MAGI2: variants seen among roughly 807,000 people sequenced by gnomAD.
The protein encoded by MAGI2 is membrane-associated guanylate kinase, WW and PDZ domain-containing protein 2.
Under a neutral mutation model 133.3 loss-of-function variants are expected in MAGI2, and 35 were observed. The ratio of observed to expected loss-of-function variants is 0.26; its 90% CI spans 0.20 to 0.35. The LOEUF (loss-of-function observed/expected upper bound fraction) is 0.35, where lower values mean the gene tolerates loss of function less well. Among genes scored for constraint, MAGI2 ranks in the 10% least tolerant of loss-of-function variants. MAGI2 has a pLI of 1.00. For synonymous variants in MAGI2, 729 were observed against 710.6 expected (o/e 1.03, Z -0.41); for missense variants, 1,636 against 1,863.4 (o/e 0.88, Z 2.25).
chr7:78,877,334 C>A (rs893659280), intron 2 of MAGI2, among the ~76,000 whole-genome samples: 2 of 152,140 alleles, frequency 1.3e-5, no homozygotes, highest in African/African-American at 4.8e-5. Flanking sequence ...TGGAAGTCTA[C>A]AATTGATATG....
intron 1 of MAGI2, among the ~76,000 whole-genome samples, chr7:79,360,703 CAA>C (rs1266799314): frequency 6.6e-6 from 1 of 151,800 alleles, no homozygotes; most frequent in Non-Finnish European, 1.5e-5. Context: ...AAAAACTATG[CAA>C]AGAGATCAAC....
intron 20 of MAGI2, among the ~76,000 whole-genome samples, chr7:78,094,781 A>G (rs1453555711): frequency 5.3e-5 from 8 of 152,086 alleles, no homozygotes; most frequent in Admixed American, 5.2e-4. Context: ...TAGCAGCCTA[A>G]TCCCATTATT....
chr7:78,625,642 T>C (rs960111314), intron 3 of MAGI2, among the ~76,000 whole-genome samples: 1 of 152,180 alleles, frequency 6.6e-6, no homozygotes, highest in African/African-American at 2.4e-5. Flanking sequence ...ACTCAGTCAC[T>C]CTGGGCTCAC....
chr7:79,251,043 G>A (rs748406037), intron 1 of MAGI2, among the ~76,000 whole-genome samples: 6 of 152,120 alleles, frequency 3.9e-5, no homozygotes, highest in Non-Finnish European at 7.4e-5. Context: ...ATATGCAGAA[G>A]AATGAAACTA....
chr7:78,957,712 T>C (rs1392556121), intron 2 of MAGI2, among the ~76,000 whole-genome samples: 13 of 152,128 alleles, frequency 8.5e-5, no homozygotes, highest in Admixed American at 8.5e-4. Context: ...GTTAGGTAAC[T>C]TACTCAAGAT....
chr7:78,282,792 T>TTTGTTGAC (rs1259699437), intron 9 of MAGI2, among the ~76,000 whole-genome samples: 1 of 152,084 alleles, frequency 6.6e-6, no homozygotes, highest in Non-Finnish European at 1.5e-5. Context: ...GATTTCAAGC[T>TTTGTTGAC]TTGTTGACTT....
At chr7:79,224,311 T>C (rs1830675352) in intron 1 of MAGI2, among the ~76,000 whole-genome samples, 1 of 152,044 alleles carries the variant, frequency 6.6e-6, no homozygotes, top group Admixed American at 6.6e-5. Flanking sequence ...CTGGGTTTCT[T>C]AGCATGAAAT....
At chr7:79,328,451 T>G (rs866950917) in intron 1 of MAGI2, among the ~76,000 whole-genome samples, 9 of 152,258 alleles carry the variant, frequency 5.9e-5, no homozygotes, top group Middle Eastern at 6.8e-3. Context: ...CTACCAATTA[T>G]GCACTAAGAT....
intron 6 of MAGI2, among the ~76,000 whole-genome samples, chr7:78,400,632 C>T (rs963466565): frequency 2.1e-4 from 32 of 152,232 alleles, no homozygotes; most frequent in African/African-American, 7.0e-4. Context: ...TACTAAAATT[C>T]TAGGCAATAT....
intron 11 of MAGI2, among the ~76,000 whole-genome samples, chr7:78,199,011 G>C (rs1348803755): frequency 1.3e-5 from 2 of 152,188 alleles, no homozygotes; most frequent in Non-Finnish European, 2.9e-5. Context: ...ACAGGACTAG[G>C]AGGAAGCTAG....
At chr7:79,306,634 T>C (rs1837839047) in intron 1 of MAGI2, among the ~76,000 whole-genome samples, 1 of 152,156 alleles carries the variant, frequency 6.6e-6, no homozygotes, top group South Asian at 2.1e-4. Context: ...ATAAATCTTA[T>C]GAAGTGGTCT....
chr7:78,063,030 A>G (rs953306811), intron 21 of MAGI2, among the ~76,000 whole-genome samples: 10 of 152,208 alleles, frequency 6.6e-5, no homozygotes, highest in African/African-American at 1.7e-4. Flanking sequence ...TTCCACCACC[A>G]CTTTCTTAAT....
At chr7:78,257,959 T>C (rs939791449) in intron 9 of MAGI2, among the ~76,000 whole-genome samples, 1 of 152,144 alleles carries the variant, frequency 6.6e-6, no homozygotes, top group African/African-American at 2.4e-5. Context: ...ACTTTTAGAG[T>C]TGACAACTTT....
At chr7:78,341,461 T>C (rs1238147921) in intron 9 of MAGI2, among the ~76,000 whole-genome samples, 3 of 152,106 alleles carry the variant, frequency 2.0e-5, no homozygotes, top group Non-Finnish European at 2.9e-5. Context: ...AAAACCACCA[T>C]AAACTTTATA....
At chr7:78,750,662 A>G (rs1276893998) in intron 2 of MAGI2, among the ~76,000 whole-genome samples, 1 of 152,186 alleles carries the variant, frequency 6.6e-6, no homozygotes, top group Non-Finnish European at 1.5e-5. Context: ...TGTGGAGGGC[A>G]GCAGTGTTTC....
At chr7:78,265,430 T>A (rs1280199454) in intron 9 of MAGI2, among the ~76,000 whole-genome samples, 5 of 152,210 alleles carry the variant, frequency 3.3e-5, no homozygotes, top group Admixed American at 1.3e-4. Flanking sequence ...TAGCATAAAA[T>A]GGTCAATGAA....
In MAGI2 at chr7:79,351,167, C is replaced by T. The variant is rs186572427; in HGVS notation, c.301+101853G>A. On this transcript the variant is annotated intron_variant, in intron 1 of 21. Transcript: ENST00000354212. ...CCGAACTGTTAGAATGCATGCTTAA[C>T]GTTAAAGAATGATTTTACATTTTCA... Among the ~76,000 whole-genome samples, 8 of 151,954 alleles carry T rather than the reference C, an allele frequency of 5.3e-5. No homozygotes were observed. The East Asian group carries it at 5.8e-4, about 11-fold the overall frequency.
intron 3 of MAGI2, among the ~76,000 whole-genome samples, chr7:78,586,354 T>TC (rs977683528): frequency 6.7e-6 from 1 of 148,532 alleles, no homozygotes; most frequent in African/African-American, 2.5e-5. Context: ...CAGCTAAGAG[T>TC]CCCCCCCAAA....
chr7:79,059,912 T>G (rs540449886), intron 1 of MAGI2, among the ~76,000 whole-genome samples: 1 of 152,178 alleles, frequency 6.6e-6, no homozygotes, highest in South Asian at 2.1e-4. Flanking sequence ...ACTAGTGAAT[T>G]TATTAGAAAC....
Sources: allele counts gnomAD v4.1 joint callset (sites outside exome capture counted in the v4.1 genomes callset), GRCh38; gene constraint gnomAD v4.1.1; transcripts MANE v1.5; gene names NCBI Gene and HGNC (gene_info 2026-07-23, HGNC 2026-07-21).